The following MBNL1 variants were observed in gnomAD, a reference collection of about 807,000 sequenced individuals.
MBNL1 encodes muscleblind like splicing regulator 1.
Under a neutral mutation model 42.2 loss-of-function variants are expected in MBNL1, and 8 were observed. That is an observed-to-expected ratio of 0.19 (90% confidence interval 0.11 to 0.34). The LOEUF (loss-of-function observed/expected upper bound fraction) is 0.34. MBNL1 is among the 10% of genes least tolerant of loss of function. The pLI is 1.00. For synonymous variants in MBNL1, 169 were observed against 173.9 expected (o/e 0.97, Z 0.22); for missense variants, 309 against 495.3 (o/e 0.62, Z 3.57).
At chr3:152,413,406 C>T (rs1275955644) in intron 2 of MBNL1, among the ~76,000 whole-genome samples, 1 of 152,176 alleles carries the variant, frequency 6.6e-6, no homozygotes, top group East Asian at 1.9e-4. Flanking sequence ...TTATGCAGTT[C>T]ATGCATTTGA....
chr3:152,430,461 C>G (rs2098991767), intron 3 of MBNL1, among the ~76,000 whole-genome samples: 1 of 152,186 alleles, frequency 6.6e-6, no homozygotes, highest in Admixed American at 6.5e-5. Flanking sequence ...CTAAACTAGT[C>G]TGTTAGTCCC....
chr3:152,404,090 G>C lies in MBNL1; in HGVS notation c.175-10851G>C, dbSNP rs2098343786. The stretch of plus-strand genomic sequence containing the variant: ...GCTGGACTTGAGGCAGAATTTGTGA[G>C]GTCAGAAATTGACAGTATTTGTTTT... On this transcript the variant is annotated intron_variant, in intron 2 of 9. Coordinates refer to ENST00000324210, the MANE Select transcript of MBNL1 (RefSeq NM_021038.5). Among the ~76,000 whole-genome samples the C allele has an allele frequency of 3.9e-5, 6 of 152,128 alleles. No individual in the cohort carries two copies. In the South Asian group the frequency reaches 1.2e-3, roughly 31 times the overall value.
chr3:152,308,231 A>G (rs371679332), intron 2 of MBNL1, among the ~76,000 whole-genome samples: 2 of 152,220 alleles, frequency 1.3e-5, no homozygotes, highest in Admixed American at 6.5e-5. Context: ...AAGAGGCTCC[A>G]TAGAAGTGTT....
At chr3:152,440,713 A>G (rs147111434) in intron 4 of MBNL1, among the ~76,000 whole-genome samples, 1 of 152,354 alleles carries the variant, frequency 6.6e-6, no homozygotes, top group East Asian at 1.9e-4. Flanking sequence ...CCTAATCACC[A>G]GAATTATGAG....
At chr3:152,362,334 C>T (rs1385611752) in intron 2 of MBNL1, among the ~76,000 whole-genome samples, 4 of 152,100 alleles carry the variant, frequency 2.6e-5, no homozygotes, top group Non-Finnish European at 5.9e-5. Flanking sequence ...AGAGACAGCA[C>T]TAGTAGGGGT....
chr3:152,256,266 G>T (rs148819713), intron 2 of MBNL1, among the ~76,000 whole-genome samples: 99 of 152,246 alleles, frequency 6.5e-4, no homozygotes, highest in Admixed American at 1.2e-3. Flanking sequence ...ATTTAAATTT[G>T]TAAACTCAAT....
intron 2 of MBNL1, among the ~76,000 whole-genome samples, chr3:152,305,801 A>C (rs2062808611): frequency 6.6e-6 from 1 of 152,208 alleles, no homozygotes; most frequent in South Asian, 2.1e-4. Context: ...CTAATTGCTC[A>C]CTTATACTAA....
chr3:152,439,934 G>A (rs1202258776), intron 4 of MBNL1, among the ~76,000 whole-genome samples: 2 of 152,198 alleles, frequency 1.3e-5, no homozygotes, highest in Non-Finnish European at 2.9e-5. Flanking sequence ...TCAAAGTTGT[G>A]TCTATTTTCC....
At chr3:152,259,094 G>C (rs1469723909) in intron 2 of MBNL1, among the ~76,000 whole-genome samples, 1 of 152,224 alleles carries the variant, frequency 6.6e-6, no homozygotes, top group African/African-American at 2.4e-5. Flanking sequence ...TCCATAAAGA[G>C]AGAGGTCCAA....
chr3:152,309,310 A>C (rs894967102), intron 2 of MBNL1, among the ~76,000 whole-genome samples: 3 of 152,188 alleles, frequency 2.0e-5, no homozygotes, highest in South Asian at 2.1e-4. Flanking sequence ...TTTTAACCCT[A>C]GATCACAATT....
chr3:152,259,352 C>T (rs1420417154), intron 2 of MBNL1, among the ~76,000 whole-genome samples: 3 of 152,078 alleles, frequency 2.0e-5, no homozygotes, highest in African/African-American at 7.2e-5. Flanking sequence ...ATTAAAGGCA[C>T]TTGATACATC....
intron 2 of MBNL1, among the ~76,000 whole-genome samples, chr3:152,384,086 A>G (rs2097303248): frequency 6.6e-6 from 1 of 152,150 alleles, no homozygotes; most frequent in Non-Finnish European, 1.5e-5. Flanking sequence ...AATGTAAATG[A>G]TTTATATTTG....
Position 152,247,479 on chromosome 3 carries a change from A to T in MBNL1, n.333+3039A>T, listed in dbSNP as rs183294731. On this transcript the variant is annotated intron_variant and non_coding_transcript_variant, in intron 2 of 2. Transcript: ENST00000477171. ...GAAAATACCTTTTACAGATATAAAG[A>T]ATAAGGGTAAGCCATTTTATATTTC... Among the ~76,000 whole-genome samples the T allele has an allele frequency of 9.2e-4, 140 of 152,146 alleles. 1 individual carries two copies. The highest frequency in any genetic ancestry group is 1.5e-4 in the Non-Finnish European group (10 of 67,932).
chr3:152,287,417 T>C (rs2150778125), intron 1 of MBNL1, among the ~76,000 whole-genome samples: 1 of 152,304 alleles, frequency 6.6e-6, no homozygotes, highest in Middle Eastern at 3.4e-3. Flanking sequence ...TCAGAGAAGA[T>C]ACTCTGGTTT....
At chr3:152,278,399 G>C (rs1249006490) in intron 1 of MBNL1, among the ~76,000 whole-genome samples, 1 of 152,074 alleles carries the variant, frequency 6.6e-6, no homozygotes, top group Admixed American at 6.6e-5. Context: ...TAGTCTCTCT[G>C]AAGCATTGCA....
chr3:152,258,924 G>C (rs552589672), intron 2 of MBNL1, among the ~76,000 whole-genome samples: 1 of 152,152 alleles, frequency 6.6e-6, no homozygotes, highest in Non-Finnish European at 1.5e-5. Context: ...TAGTGTCCAC[G>C]TGGGCTTCTT....
At chr3:152,383,135 A>T (rs879358713) in intron 2 of MBNL1, among the ~76,000 whole-genome samples, 3 of 152,044 alleles carry the variant, frequency 2.0e-5, no homozygotes, top group Admixed American at 2.0e-4. Flanking sequence ...ACTTATCCGA[A>T]TACTTACAGA....
chr3:152,259,580 T>C (rs71306592), intron 2 of MBNL1, among the ~76,000 whole-genome samples: 3,122 of 152,350 alleles, frequency 0.02, 53 homozygotes, highest in Non-Finnish European at 0.032. Context: ...GTAGATATCA[T>C]ACCCTTAAAA....
At chr3:152,302,800 A>G (rs1029245527) in intron 2 of MBNL1, among the ~76,000 whole-genome samples, 1 of 152,168 alleles carries the variant, frequency 6.6e-6, no homozygotes, top group African/African-American at 2.4e-5. Context: ...TGTATTGCTT[A>G]AATCCATAGT....
Sources: gnomAD v4.1 joint callset for allele counts (sites outside exome capture counted in the v4.1 genomes callset) on GRCh38, gnomAD v4.1.1 for gene constraint, MANE v1.5 for transcripts, NCBI Gene and HGNC (gene_info 2026-07-23, HGNC 2026-07-21) for gene names.